ULK2: variants seen among roughly 807,000 people sequenced by gnomAD.
ULK2 encodes the protein unc-51 like autophagy activating kinase 2.
Under a neutral mutation model 127.5 loss-of-function variants are expected in ULK2, and 76 were observed. That is an observed-to-expected ratio of 0.60 (90% CI 0.50 to 0.72). The LOEUF is 0.72. ULK2 is among the 30% of genes least tolerant of loss of function. The pLI, the probability that ULK2 is intolerant of heterozygous loss-of-function variation, is 0.00. For missense variants in ULK2, 1,144 were observed against 1,295.9 expected (o/e 0.88, Z 1.80); for synonymous variants, 452 against 461.9 (o/e 0.98, Z 0.28).
chr17:19,834,442 A>G (rs1338207834), intron 10 of ULK2, among the ~76,000 whole-genome samples: 2 of 152,054 alleles, frequency 1.3e-5, no homozygotes, highest in East Asian at 3.8e-4. Flanking sequence ...AGATTAATAT[A>G]TATGACAACA....
chr17:19,778,554 G>A (rs149743717), intron 25 of ULK2, among the ~76,000 whole-genome samples: 1 of 152,300 alleles, frequency 6.6e-6, no homozygotes, highest in African/African-American at 2.4e-5. Context: ...AGAACTCTCA[G>A]AAATCCAGTA....
intron 8 of ULK2, among the ~76,000 whole-genome samples, chr17:19,841,990 G>T (rs922188078): frequency 6.6e-6 from 1 of 151,882 alleles, no homozygotes; most frequent in South Asian, 2.1e-4. Context: ...ATTATTGTTG[G>T]GTAAAATTCA....
intron 10 of ULK2, among the ~76,000 whole-genome samples, chr17:19,832,333 C>T (rs3098905): frequency 0.94 from 142,625 of 151,184 alleles, 67,440 homozygotes; most frequent in Non-Finnish European, 0.97. Context: ...AGTGGCATGA[C>T]CACAGCTCAC....
At position 19,845,376 on chromosome 17, in the gene ULK2, C is replaced by A. The variant is rs1193065602; in HGVS notation, c.471G>T (p.Ala157=). Residue 157 remains alanine, a splice_region_variant and synonymous_variant, in exon 7 of 27, where the codon GCG becomes GCT. Transcript: ENST00000395544. The part of the protein sequence containing the change: ...SSVSGIRIKI[A]DFGFARYLHS... The stretch of plus-strand genomic sequence containing the variant: ...GTAGGTAACGAGCAAAACCAAAATC[C>A]GCTATTTCACAAAACAGAAAGTAGA... 6.2e-7 allele frequency: 1 copy of A among 1,613,130 alleles called. No individual in the cohort carries two copies. The highest frequency in any genetic ancestry group is 1.3e-5 in the African/African-American group (1 of 74,872).
intron 1 of ULK2, 89 bp downstream of exon 1, chr17:19,867,232 AGTCGGGG>A: frequency 1.0e-6 from 1 of 959,940 alleles, no homozygotes; most frequent in South Asian, 1.9e-5. Flanking sequence ...CGGCTAGCCG[AGTCGGGG>A]GTCTCGGCTC....
Position 19,783,742 on chromosome 17 carries a change from G to A in ULK2, c.2415C>T (p.Leu805=). 1 of 1,594,200 alleles carries A rather than the reference G, an allele frequency of 6.3e-7. No homozygotes were observed. Among genetic ancestry groups the A allele is most frequent in the Non-Finnish European group, 8.5e-7 (1 of 1,169,592 alleles). ...GCAGTTCAGGGGCTTCAAAGGTGATGAGCCCCTCTAGGCTGGGGGGTGAAG... is the reference window on the plus strand; with the variant it reads ...GCAGTTCAGGGGCTTCAAAGGTGATAAGCCCCTCTAGGCTGGGGGGTGAAG... ...YGASPPSLEG[L]ITFEAPELPE... The change falls in exon 22 of 27, where the codon CTC becomes CTT. Residue 805 remains leucine (L), a synonymous_variant. Coordinates refer to ENST00000395544, the MANE Select transcript of ULK2 (RefSeq NM_014683.4).
At chr17:19,811,556 C>T (rs1051942702) in intron 13 of ULK2, among the ~76,000 whole-genome samples, 6 of 152,112 alleles carry the variant, frequency 3.9e-5, no homozygotes, top group African/African-American at 1.4e-4. Flanking sequence ...ATTCTCCTGC[C>T]TCAGCCTCCC....
intron 6 of ULK2, among the ~76,000 whole-genome samples, chr17:19,845,947 G>GA (rs1220969635): frequency 4.9e-4 from 72 of 146,786 alleles, no homozygotes; most frequent in Middle Eastern, 3.6e-3. Flanking sequence ...TGTCTCTACT[G>GA]AAAAAAAAAA....
intron 12 of ULK2, among the ~76,000 whole-genome samples, chr17:19,822,687 GGTTT>G (rs1288890939): frequency 6.8e-6 from 1 of 146,538 alleles, no homozygotes; most frequent in African/African-American, 2.5e-5. Context: ...TTTTTTGTTT[GGTTT>G]GTTTTTTTTT....
rs867256574 is a variant in ULK2, at chr17:19,780,771, A to G, written c.2759-142T>C. 17 of 1,068,824 alleles carry G rather than the reference A, an allele frequency of 1.6e-5. No individual in the cohort carries two copies. The South Asian group carries it at 2.8e-4, about 17-fold the overall frequency. 66.2% of individuals were successfully genotyped at this position (1,068,824 alleles called of 1,614,324 possible). ...AAAGGACCAGAAATAGGATTTTTTC[A>G]TGTTATCTCTTTCAATATGAAAAGA... On this transcript the variant is annotated intron_variant, in intron 24 of 26. Coordinates refer to ENST00000395544, the MANE Select transcript of ULK2 (RefSeq NM_014683.4).
chr17:19,780,550 G>A lies in ULK2; in HGVS notation c.2838C>T (p.Phe946=). ...KKLTEKLNRF[F]SDKQRFIDEI... ...CATCAATAAACCTCTGTTTGTCAGA[G>A]AAGAATCGATTCAGCTTTTCTGTAA... Residue 946 remains phenylalanine (F), a synonymous_variant, in exon 25 of 27, where the codon TTC becomes TTT. Transcript: ENST00000395544. 1 of 1,613,850 alleles carries A rather than the reference G, an allele frequency of 6.2e-7. No homozygotes were observed.
At chr17:19,818,322 C>CAA (rs1333097274) in intron 12 of ULK2, among the ~76,000 whole-genome samples, 75 of 62,666 alleles carry the variant, frequency 1.2e-3, no homozygotes, top group African/African-American at 3.6e-3. Context: ...GACTCCGTCT[C>CAA]AAAAAAAAAA....
At chr17:19,817,510 G>A (rs2041020804) in intron 12 of ULK2, among the ~76,000 whole-genome samples, 1 of 152,128 alleles carries the variant, frequency 6.6e-6, no homozygotes, top group Non-Finnish European at 1.5e-5. Flanking sequence ...GTTTTATCAG[G>A]GGTAGTAGTT....
chr17:19,851,392 T>C (rs1181930148), intron 3 of ULK2, among the ~76,000 whole-genome samples: 1 of 144,990 alleles, frequency 6.9e-6, no homozygotes, highest in Non-Finnish European at 1.5e-5. Flanking sequence ...AATCCCAGCA[T>C]TTTGGGAGGC....
At chr17:19,791,313 G>A (rs2087147449) in intron 20 of ULK2, among the ~76,000 whole-genome samples, 1 of 152,228 alleles carries the variant, frequency 6.6e-6, no homozygotes, top group African/African-American at 2.4e-5. Context: ...ACTTCGGGAG[G>A]CTGAGGCGGG....
At chr17:19,783,964 CTACTCTTATT>C in intron 21 of ULK2, 59 bp from the exon 22 acceptor site, 1 of 1,311,630 alleles carries the variant, frequency 7.6e-7, no homozygotes, top group Non-Finnish European at 9.8e-7. Context: ...ACACCCACTC[CTACTCTTATT>C]TACTAAACAA....
chr17:19,797,273 G>A (rs1167469648), intron 18 of ULK2, 123 bp downstream of exon 18: 2 of 1,138,150 alleles, frequency 1.8e-6, no homozygotes, highest in Non-Finnish European at 1.2e-6. Context: ...CTCCAGCCTG[G>A]GCGACAAAGC....
chr17:19,790,290 G>A (rs867898970), intron 20 of ULK2, among the ~76,000 whole-genome samples: 9 of 152,216 alleles, frequency 5.9e-5, no homozygotes, highest in African/African-American at 2.2e-4. Flanking sequence ...GGTGGCAGGC[G>A]CCTGTAATCC....
intron 3 of ULK2, among the ~76,000 whole-genome samples, chr17:19,862,099 T>C (rs1033806308): frequency 2.7e-5 from 4 of 148,404 alleles, no homozygotes; most frequent in African/African-American, 7.7e-5. Flanking sequence ...TCCTTTTTCT[T>C]TTTTTTTTCC....
Sources: allele counts gnomAD v4.1 joint callset (sites outside exome capture counted in the v4.1 genomes callset), GRCh38; gene constraint gnomAD v4.1.1; transcripts MANE v1.5; gene names NCBI Gene and HGNC (gene_info 2026-07-23, HGNC 2026-07-21).